TTC13: variants seen among roughly 807,000 people sequenced by gnomAD.
TTC13 encodes the protein tetratricopeptide repeat protein 13.
In TTC13, 62 loss-of-function variants were observed where a neutral mutation model predicts 120.0. The ratio of observed to expected loss-of-function variants is 0.52; its 90% CI spans 0.42 to 0.64. TTC13 has a LOEUF of 0.64. TTC13 is among the 30% of genes least tolerant of loss of function. TTC13 has a pLI of 0.00. For missense variants in TTC13, 824 were observed against 1,050.2 expected (o/e 0.78, Z 2.98); for synonymous variants, 384 against 393.5 (o/e 0.98, Z 0.28).
chr1:230,925,702 C>T, intron 12 of TTC13, 55 bp from the exon 13 acceptor site: 1 of 1,595,814 alleles, frequency 6.3e-7, no homozygotes, highest in African/African-American at 1.3e-5. Context: ...ATTTGGTAAT[C>T]CAATTCCACC....
chr1:230,934,823 T>A (rs1673890460), intron 8 of TTC13, among the ~76,000 whole-genome samples: 1 of 152,256 alleles, frequency 6.6e-6, no homozygotes, highest in Admixed American at 6.5e-5. Flanking sequence ...AGATAATTCA[T>A]AGAAGAAAAC....
intron 2 of TTC13, among the ~76,000 whole-genome samples, chr1:230,958,710 AC>A (rs1206744175): frequency 6.6e-6 from 1 of 152,202 alleles, no homozygotes; most frequent in African/African-American, 2.4e-5. Flanking sequence ...GCTTAGATAG[AC>A]GGGGCATGGT....
intron 10 of TTC13, 25 bp from the exon 11 acceptor site, chr1:230,931,497 A>G: frequency 6.2e-7 from 1 of 1,609,814 alleles, no homozygotes; most frequent in Non-Finnish European, 8.5e-7. Context: ...CTGCATTAGT[A>G]TCAACACAGT....
intron 4 of TTC13, among the ~76,000 whole-genome samples, chr1:230,949,175 G>T (rs1258873112): frequency 6.6e-6 from 1 of 151,676 alleles, no homozygotes; most frequent in Admixed American, 6.6e-5. Flanking sequence ...AGAAGACAAA[G>T]ATTTGCCTAT....
chr1:230,908,926 T>C lies in TTC13; in HGVS notation c.2388+16A>G, dbSNP rs1297305181. 1 of 1,613,912 alleles carries C rather than the reference T, an allele frequency of 6.2e-7. No homozygotes were observed. Among genetic ancestry groups the C allele is most frequent in the Admixed American group, 1.7e-5 (1 of 59,998 alleles). On this transcript the variant is annotated intron_variant, in intron 21 of 22. Coordinates refer to ENST00000366661, the MANE Select transcript of TTC13 (RefSeq NM_024525.5). ...AATACATAACCAAGCATTTCTCCCTTCCCGCTCCAACATACCTTCCCTTTG... is the reference window on the plus strand; with the variant it reads ...AATACATAACCAAGCATTTCTCCCTCCCCGCTCCAACATACCTTCCCTTTG...
chr1:230,967,580 A>G (rs1677251593), intron 1 of TTC13, among the ~76,000 whole-genome samples: 1 of 152,180 alleles, frequency 6.6e-6, no homozygotes, highest in African/African-American at 2.4e-5. Context: ...ATTGAGGTAG[A>G]TCATTCTTTT....
chr1:230,936,809 C>G (rs1415682837), intron 8 of TTC13, among the ~76,000 whole-genome samples: 1 of 152,178 alleles, frequency 6.6e-6, no homozygotes, highest in African/African-American at 2.4e-5. Flanking sequence ...CTGCGGTTAA[C>G]AAGAGAAACA....
intron 1 of TTC13, among the ~76,000 whole-genome samples, chr1:230,969,702 CTGTT>C (rs1478142674): frequency 8.5e-5 from 13 of 152,274 alleles, no homozygotes; most frequent in African/African-American, 3.1e-4. Context: ...GCTTCCCTGA[CTGTT>C]TGACTTAGAG....
At chr1:230,924,748 C>G in intron 14 of TTC13, 93 bp downstream of exon 14, 1 of 1,473,438 alleles carries the variant, frequency 6.8e-7, no homozygotes, top group South Asian at 1.2e-5. Flanking sequence ...TGTTAGCAAG[C>G]AAAACAGGGT....
At chr1:230,918,309 A>C (rs1672240796) in intron 17 of TTC13, among the ~76,000 whole-genome samples, 1 of 152,206 alleles carries the variant, frequency 6.6e-6, no homozygotes, top group Admixed American at 6.5e-5. Flanking sequence ...GCCAATGACA[A>C]TGTAGCTCAC....
intron 1 of TTC13, among the ~76,000 whole-genome samples, chr1:230,977,033 T>G (rs1435357912): frequency 6.6e-6 from 1 of 152,192 alleles, no homozygotes; most frequent in African/African-American, 2.4e-5. Context: ...AACCACTTAA[T>G]GGTTAGGACA....
At chr1:230,912,890 C>G in intron 18 of TTC13, 132 bp from the exon 19 acceptor site, 1 of 784,290 alleles carries the variant, frequency 1.3e-6, no homozygotes, top group African/African-American at 1.7e-5. Context: ...CCTTACCTTT[C>G]TAACTATAGA....
intron 1 of TTC13, among the ~76,000 whole-genome samples, chr1:230,976,238 T>C (rs1376277372): frequency 6.6e-6 from 1 of 152,204 alleles, no homozygotes; most frequent in Non-Finnish European, 1.5e-5. Flanking sequence ...TTCTGGATCC[T>C]GACATTTGTC....
At chr1:230,958,336 T>G (rs773852701) in intron 2 of TTC13, 37 bp from the exon 3 acceptor site, 3 of 1,562,204 alleles carry the variant, frequency 1.9e-6, no homozygotes, top group Non-Finnish European at 2.6e-6. Flanking sequence ...ACATTTTAGC[T>G]ATCACAAATG....
At position 230,960,114 on chromosome 1, in the gene TTC13, C is replaced by T. The variant is rs79244459; in HGVS notation, c.366+1095G>A. ...CTTATTGCTGTATTCCTAATAATCA[C>T]CTAGTGCAATGCCTGGCATGTAATA... On this transcript the variant is annotated intron_variant, in intron 2 of 22. Transcript: ENST00000366661. Among the ~76,000 whole-genome samples, 91 of 152,244 alleles carry T rather than the reference C, an allele frequency of 6.0e-4. 1 individual carries two copies. In the East Asian group the frequency reaches 0.013, roughly 21 times the overall value.
chr1:230,963,598 G>A (rs1052883236), intron 1 of TTC13, among the ~76,000 whole-genome samples: 24 of 151,708 alleles, frequency 1.6e-4, no homozygotes, highest in African/African-American at 5.3e-4. Context: ...TCATACCACT[G>A]CACTCCAGTC....
chr1:230,970,422 C>T (rs1262355769), intron 1 of TTC13, among the ~76,000 whole-genome samples: 1 of 152,082 alleles, frequency 6.6e-6, no homozygotes, highest in African/African-American at 2.4e-5. Context: ...CTTGTATTTT[C>T]AGGATGGTAG....
intron 4 of TTC13, among the ~76,000 whole-genome samples, chr1:230,948,329 TA>T (rs5781611): frequency 1.1e-4 from 16 of 141,456 alleles, no homozygotes; most frequent in South Asian, 2.3e-4. Flanking sequence ...ATATTTCACT[TA>T]AAAAAAAAAG....
rs1398461708 is a variant in TTC13 at position 230,906,723 on chromosome 1, C to T, written c.*182G>A. 2 of 343,588 alleles carry T rather than the reference C, an allele frequency of 5.8e-6. No homozygotes were observed. The highest frequency in any genetic ancestry group is 2.1e-5 in the African/African-American group (1 of 46,916). The allele number at this position is 343,588 out of a possible 1,614,324, so 21.3% of individuals were successfully genotyped here. A position where few individuals can be genotyped will look rare whatever the true frequency, so the allele number is the denominator to read the frequency against. On this transcript the variant is annotated 3_prime_UTR_variant, in exon 23 of 23. Transcript: ENST00000366661. ...TCAAGTAGCTTTTTCCCCCCGAAAG[C>T]CTCTTTCATGATTTTCATTATGGTT...
Sources: gnomAD v4.1 joint callset for allele counts (sites outside exome capture counted in the v4.1 genomes callset) on GRCh38, gnomAD v4.1.1 for gene constraint, MANE v1.5 for transcripts, NCBI Gene and HGNC (gene_info 2026-07-23, HGNC 2026-07-21) for gene names.